The following TTLL4 variants were observed in gnomAD, a reference collection of about 807,000 sequenced individuals.
The protein encoded by TTLL4 is tubulin monoglutamylase TTLL4.
TTLL4 carries 85 observed loss-of-function variants against 122.7 expected under a neutral mutation model. The observed-to-expected ratio is 0.69, with a 90% CI of 0.58 to 0.83. The LOEUF (loss-of-function observed/expected upper bound fraction) is 0.83. TTLL4 is among the 40% of genes least tolerant of loss of function. The pLI, the probability that TTLL4 is intolerant of heterozygous loss-of-function variation, is 0.00. For synonymous variants in TTLL4, 553 were observed against 563.0 expected (o/e 0.98, Z 0.25); for missense variants, 1,363 against 1,488.6 (o/e 0.92, Z 1.39).
intron 2 of TTLL4, among the ~76,000 whole-genome samples, chr2:218,727,783 TC>T: frequency 6.6e-6 from 1 of 152,280 alleles, no homozygotes; most frequent in East Asian, 1.9e-4. Context: ...TATTCTGAGT[TC>T]CTGGTTAGAG....
At chr2:218,731,611 A>G (rs533039782) in intron 2 of TTLL4, among the ~76,000 whole-genome samples, 9 of 152,310 alleles carry the variant, frequency 5.9e-5, no homozygotes, top group Admixed American at 5.2e-4. Context: ...AGTTGTAACT[A>G]CCTTGCTGCA....
intron 15 of TTLL4, among the ~76,000 whole-genome samples, chr2:218,750,943 C>T (rs548016167): frequency 6.6e-6 from 1 of 151,944 alleles, no homozygotes; most frequent in African/African-American, 2.4e-5. Flanking sequence ...TTACTTAGTA[C>T]CTGAGATGTG....
At chr2:218,714,389 A>G (rs1034029251) in intron 1 of TTLL4, among the ~76,000 whole-genome samples, 12 of 152,358 alleles carry the variant, frequency 7.9e-5, no homozygotes, top group Non-Finnish European at 1.3e-4. Context: ...CTTTCTCACT[A>G]GATTCCTTCT....
intron 1 of TTLL4, among the ~76,000 whole-genome samples, chr2:218,718,487 T>C (rs1251054678): frequency 6.6e-6 from 1 of 152,006 alleles, no homozygotes; most frequent in Non-Finnish European, 1.5e-5. Context: ...CAAGCGATTC[T>C]CCTGCCTCCA....
At chr2:218,721,794 CAGAT>C (rs1028314038) in intron 1 of TTLL4, among the ~76,000 whole-genome samples, 1 of 146,568 alleles carries the variant, frequency 6.8e-6, no homozygotes, top group Non-Finnish European at 1.6e-5. Flanking sequence ...GGAAGATAGA[CAGAT>C]AGCAAAGAAA....
intron 2 of TTLL4, among the ~76,000 whole-genome samples, chr2:218,734,353 A>AT (rs1361717189): frequency 6.6e-6 from 1 of 152,218 alleles, no homozygotes; most frequent in Non-Finnish European, 1.5e-5. Flanking sequence ...ACTCAACAGA[A>AT]TATTGAGCAC....
At chr2:218,754,029 C>A in intron 19 of TTLL4, 105 bp from the exon 20 acceptor site, 1 of 1,509,098 alleles carries the variant, frequency 6.6e-7, no homozygotes, top group Non-Finnish European at 9.0e-7. Context: ...TGGCCTACAA[C>A]ACTGTAATGT....
At chr2:218,751,904 C>A in intron 16 of TTLL4, 98 bp downstream of exon 16, 47 of 525,916 alleles carry the variant, frequency 8.9e-5, no homozygotes, top group Middle Eastern at 4.1e-4. Context: ...TTTTTCTTTT[C>A]TTTTTCTTTT....
rs759576869 is a variant in TTLL4 at position 218,745,722 on chromosome 2, G to A, written c.1818G>A (p.Leu606=). Residue 606 remains leucine, a synonymous_variant, in exon 7 of 20, where the codon TTG becomes TTA. Transcript: ENST00000392102. The part of the protein sequence containing the change: ...VEKLPWEQRK[L]LRWKMSTVTP... ...AACTTCCCTGGGAACAGAGGAAGTT[G>A]CTCCGATGGAAGATGAGCACAGTGA... 2 of 1,612,954 alleles carry A rather than the reference G, an allele frequency of 1.2e-6. No individual in the cohort carries two copies. The highest frequency in any genetic ancestry group is 1.7e-6 in the Non-Finnish European group (2 of 1,179,638).
downstream of TTLL4, among the ~76,000 whole-genome samples, chr2:218,755,830 G>A (rs1367709754): frequency 2.6e-5 from 4 of 152,176 alleles, no homozygotes; most frequent in Admixed American, 6.5e-5. Flanking sequence ...GTTCTGTGGC[G>A]AGGTGGGGTG....
intron 2 of TTLL4, among the ~76,000 whole-genome samples, chr2:218,732,789 A>G (rs369120430): frequency 6.6e-6 from 1 of 152,222 alleles, no homozygotes; most frequent in African/African-American, 2.4e-5. Flanking sequence ...TGCTTTAGTT[A>G]GGCCTCTGCC....
Position 218,751,719 on chromosome 2 carries a change from T to C in TTLL4, c.2889T>C (p.Pro963=). ...TCTGCCGTAGCCTGCCCACCTCCCC[T>C]GGGGACAAATGTCGAATGGCTCCAG... ...SSSTTSLPTS[P]GDKCRMAPEH... is the part of the protein sequence containing the mutation. Residue 963 remains proline (P), a synonymous_variant, in exon 16 of 20, where the codon CCT becomes CCC. Coordinates refer to ENST00000392102, the MANE Select transcript of TTLL4 (RefSeq NM_014640.5). 3 of 1,613,014 alleles carry C rather than the reference T, an allele frequency of 1.9e-6. No homozygotes were observed. Among genetic ancestry groups the C allele is most frequent in the South Asian group, 2.2e-5 (2 of 91,028 alleles).
At chr2:218,719,217 AC>A (rs1033170694) in intron 1 of TTLL4, among the ~76,000 whole-genome samples, 1 of 151,982 alleles carries the variant, frequency 6.6e-6, no homozygotes, top group Non-Finnish European at 1.5e-5. Context: ...GGTTCTTCCC[AC>A]CCCCTTCTGC....
rs772427210 is a variant in TTLL4, at chr2:218,739,060, A to G, written c.1384A>G (p.Ile462Val). ...TCCCCCTTTTCCTCAAACTCTTGGC[A>G]TAGCCAACGTGGCCACCCGCCTCTC... Reference protein sequence around the residue: ...PGPPFPQTLGIANVATRLSSI... With the variant: ...PGPPFPQTLGVANVATRLSSI... The change falls in exon 3 of 20, where the codon ATA (isoleucine) becomes GTA (valine). Residue 462 changes from isoleucine to valine, a missense_variant. This residue lies in a region of TTLL4 where 760 missense variants were observed against 808.4 expected (regional missense o/e 0.94). Coordinates refer to ENST00000392102, the MANE Select transcript of TTLL4 (RefSeq NM_014640.5). 2.5e-6 allele frequency: 4 copies of G among 1,613,940 alleles called. No individual in the cohort carries two copies. In the African/African-American group the frequency reaches 4.0e-5, roughly 16 times the overall value.
At position 218,745,672 on chromosome 2, in the gene TTLL4, C is replaced by A; in HGVS notation, c.1787-19C>A. The A allele has an allele frequency of 1.3e-6, 2 of 1,535,434 alleles. No individual in the cohort carries two copies. Among genetic ancestry groups the A allele is most frequent in the Non-Finnish European group, 1.8e-6 (2 of 1,117,504 alleles). On this transcript the variant is annotated intron_variant, in intron 6 of 19. Coordinates refer to ENST00000392102, the MANE Select transcript of TTLL4 (RefSeq NM_014640.5). ...CTCCTCTCCATCCCCCATCCCCACA[C>A]CCCTTGCATTCTTCCCAGTGGAGAA... is the stretch of plus-strand genomic sequence containing the variant.
chr2:218,755,133 G>C lies in TTLL4; in HGVS notation c.*744G>C, dbSNP rs1414001311. The C allele has an allele frequency of 1.3e-5, 2 of 152,300 alleles. No homozygotes were observed. Among genetic ancestry groups the C allele is most frequent in the African/African-American group, 4.8e-5 (2 of 41,438 alleles). The allele number at this position is 152,300 out of a possible 1,614,324, so 9.4% of individuals were successfully genotyped here. On this transcript the variant is annotated 3_prime_UTR_variant, in exon 20 of 20. Coordinates refer to ENST00000392102, the MANE Select transcript of TTLL4 (RefSeq NM_014640.5). ...ACTTTGTGAATTTCCCATGGCCCCA[G>C]TGAAGGAGCCCAGATAATCCCAGTA...
chr2:218,720,510 A>C (rs1942001423), intron 1 of TTLL4, among the ~76,000 whole-genome samples: 1 of 152,134 alleles, frequency 6.6e-6, no homozygotes, highest in Non-Finnish European at 1.5e-5. Flanking sequence ...CCCTGTCTCT[A>C]CAAAAATACA....
chr2:218,711,146 C>G (rs969076992), intron 1 of TTLL4, 109 bp downstream of exon 1: 4 of 152,366 alleles, frequency 2.6e-5, no homozygotes, highest in African/African-American at 9.7e-5. Context: ...AGCCCTCCGG[C>G]CACTCTCACC....
intron 1 of TTLL4, among the ~76,000 whole-genome samples, chr2:218,724,703 A>G (rs1045428030): frequency 1.3e-5 from 2 of 152,098 alleles, no homozygotes; most frequent in African/African-American, 4.8e-5. Flanking sequence ...ATTGATAAGT[A>G]AGGACTTACT....
Sources: allele counts gnomAD v4.1 joint callset (sites outside exome capture counted in the v4.1 genomes callset), GRCh38; gene constraint gnomAD v4.1.1; regional missense constraint gnomAD v4.1.1; transcripts MANE v1.5; gene names NCBI Gene and HGNC (gene_info 2026-07-23, HGNC 2026-07-21).